The following TENT4A variants were observed in gnomAD, a reference collection of about 807,000 sequenced individuals.
The protein encoded by TENT4A is terminal nucleotidyltransferase 4A.
Under a neutral mutation model 72.8 loss-of-function variants are expected in TENT4A, and 7 were observed. The ratio of observed to expected loss-of-function variants is 0.10; its 90% confidence interval spans 0.05 to 0.18. TENT4A has a LOEUF of 0.18. TENT4A is among the 10% of genes least tolerant of loss of function. TENT4A has a pLI of 1.00. For synonymous variants in TENT4A, 456 were observed against 434.3 expected (o/e 1.05, Z -0.62); for missense variants, 831 against 1,017.7 (o/e 0.82, Z 2.50).
intron 11 of TENT4A, 134 bp downstream of exon 11, chr5:6,751,331 T>C (rs1012335505): frequency 2.3e-6 from 2 of 886,252 alleles, no homozygotes; most frequent in African/African-American, 3.3e-5. Flanking sequence ...ATTGGTGTGT[T>C]GTTCTAGGAA....
rs1742283436 is a variant in TENT4A at position 6,749,553 on chromosome 5, G to A, written c.1587-4G>A. ...TGTTGATCTCCAACAATGTCCCTTTGCAGTACTTTAGGAAGAATCATCAAA... is the reference window on the plus strand; with the variant it reads ...TGTTGATCTCCAACAATGTCCCTTTACAGTACTTTAGGAAGAATCATCAAA... On this transcript the variant is annotated splice_polypyrimidine_tract_variant and splice_region_variant and intron_variant, in intron 8 of 12. Transcript: ENST00000230859. The A allele has an allele frequency of 1.3e-6, 2 of 1,598,204 alleles. No homozygotes were observed. The highest frequency in any genetic ancestry group is 1.7e-6 in the Non-Finnish European group (2 of 1,165,700).
intron 9 of TENT4A, among the ~76,000 whole-genome samples, 199 bp downstream of exon 9, chr5:6,749,856 CAA>C (rs1480847432): frequency 1.3e-5 from 2 of 152,148 alleles, no homozygotes; most frequent in African/African-American, 4.8e-5. Context: ...CATAGAATTT[CAA>C]AGTTTCTAGG....
intron 1 of TENT4A, among the ~76,000 whole-genome samples, chr5:6,725,794 A>G (rs1298891007): frequency 6.6e-6 from 1 of 151,866 alleles, no homozygotes; most frequent in African/African-American, 2.4e-5. Flanking sequence ...AGATGGACAC[A>G]TGGATTGGTC....
At chr5:6,730,472 T>C (rs1462315358) in intron 1 of TENT4A, among the ~76,000 whole-genome samples, 1 of 152,226 alleles carries the variant, frequency 6.6e-6, no homozygotes, top group East Asian at 1.9e-4. Context: ...CAGCTCCTGC[T>C]CCTCCTCCAG....
Position 6,738,749 on chromosome 5 carries a change from G to T in TENT4A, c.887+20G>T. On this transcript the variant is annotated intron_variant, in intron 3 of 12. Coordinates refer to ENST00000230859, the MANE Select transcript of TENT4A (RefSeq NM_006999.6). Reference sequence around the variant, plus strand: ...AACTAGGTGAGTACCAGACTGCATGGCATGGGCTAGTGGGGGGCTGGGATG... The same window carrying T: ...AACTAGGTGAGTACCAGACTGCATGTCATGGGCTAGTGGGGGGCTGGGATG... 1 of 1,586,694 alleles carries T rather than the reference G, an allele frequency of 6.3e-7. No homozygotes were observed. The highest frequency in any genetic ancestry group is 1.1e-5 in the South Asian group (1 of 90,464).
chr5:6,750,271 CG>C, intron 9 of TENT4A, 59 bp from the exon 10 acceptor site: 4 of 1,439,886 alleles, frequency 2.8e-6, no homozygotes, highest in South Asian at 2.7e-5. Context: ...CTGATGCTGC[CG>C]GGGCGGCTCC....
rs142582444 is a variant in TENT4A, at chr5:6,720,781, C to T, written c.716+6082C>T. Among the ~76,000 whole-genome samples, 63 of 152,228 alleles carry T rather than the reference C, an allele frequency of 4.1e-4. 1 individual carries two copies. In the East Asian group the frequency reaches 8.9e-3, roughly 21 times the overall value. Reference sequence around the variant, plus strand: ...TACAGTGATTGAAAAGTCCTGTTCACGAGGTGTCCTGCATTGGCTAGTTTA... The same window carrying T: ...TACAGTGATTGAAAAGTCCTGTTCATGAGGTGTCCTGCATTGGCTAGTTTA... On this transcript the variant is annotated intron_variant, in intron 1 of 12. Coordinates refer to ENST00000230859, the MANE Select transcript of TENT4A (RefSeq NM_006999.6).
chr5:6,718,330 C>G (rs940184840), intron 1 of TENT4A, among the ~76,000 whole-genome samples: 1 of 152,212 alleles, frequency 6.6e-6, no homozygotes, highest in Non-Finnish European at 1.5e-5. Flanking sequence ...CCCTCTCCCT[C>G]TAGCCTGACC....
intron 1 of TENT4A, among the ~76,000 whole-genome samples, chr5:6,734,364 T>A (rs554210595): frequency 2.4e-4 from 37 of 152,346 alleles, no homozygotes; most frequent in Admixed American, 1.7e-3. Context: ...GGCTGGGGGC[T>A]TTTCAGGCCA....
intron 1 of TENT4A, among the ~76,000 whole-genome samples, chr5:6,728,613 C>T (rs950192470): frequency 2.6e-5 from 4 of 152,166 alleles, no homozygotes; most frequent in South Asian, 2.1e-4. Context: ...TTTAGCCATG[C>T]GGGGCTAGGA....
At chr5:6,722,109 G>C (rs1740683174) in intron 1 of TENT4A, among the ~76,000 whole-genome samples, 1 of 152,140 alleles carries the variant, frequency 6.6e-6, no homozygotes, top group Admixed American at 6.5e-5. Context: ...AGCTCCATCA[G>C]CCCATGTCAC....
chr5:6,751,953 G>A (rs577284549), intron 11 of TENT4A, among the ~76,000 whole-genome samples: 1 of 152,336 alleles, frequency 6.6e-6, no homozygotes, highest in African/African-American at 2.4e-5. Context: ...CTTCTGGGAT[G>A]CTGGCTCTGT....
At chr5:6,726,304 TG>T (rs1740916576) in intron 1 of TENT4A, among the ~76,000 whole-genome samples, 1 of 152,106 alleles carries the variant, frequency 6.6e-6, no homozygotes, top group South Asian at 2.1e-4. Flanking sequence ...CGTCTCTGCC[TG>T]GGAAACCACG....
chr5:6,719,661 C>T (rs139764716), intron 1 of TENT4A, among the ~76,000 whole-genome samples: 8 of 152,280 alleles, frequency 5.3e-5, no homozygotes, highest in Non-Finnish European at 1.0e-4. Context: ...TCTCAGTCAG[C>T]GCTGACAGGT....
rs28381427 is a variant in TENT4A at position 6,752,739 on chromosome 5, A to C, written c.2020-134A>C. The C allele has an allele frequency of 6.0e-4, 403 of 675,794 alleles. 3 individuals carry two copies. The highest frequency in any genetic ancestry group is 1.4e-3 in the South Asian group (67 of 48,458). 41.9% of individuals were successfully genotyped at this position (675,794 alleles called of 1,614,324 possible). The stretch of plus-strand genomic sequence containing the variant: ...GCACAATATTGTTAGGTAATAGTAA[A>C]ACAGACTGCTCTATGGAGCCCACAT... On this transcript the variant is annotated intron_variant, in intron 11 of 12. Transcript: ENST00000230859.
chr5:6,751,308 T>G, intron 11 of TENT4A, 111 bp downstream of exon 11: 1 of 1,195,774 alleles, frequency 8.4e-7, no homozygotes, highest in Non-Finnish European at 1.2e-6. Flanking sequence ...AGTAACTTTT[T>G]GAGTATTTGG....
At position 6,731,645 on chromosome 5, in the gene TENT4A, A is replaced by G. The variant is rs557857432; in HGVS notation, c.717-5865A>G. ...GCTTCGAATCCTGGGCTGTCAGCCT[A>G]TCCTCCCACATCAGCCTCCTGACTA... On this transcript the variant is annotated intron_variant, in intron 1 of 12. Coordinates refer to ENST00000230859, the MANE Select transcript of TENT4A (RefSeq NM_006999.6). Among the ~76,000 whole-genome samples the G allele has an allele frequency of 4.6e-5, 7 of 151,468 alleles. No individual in the cohort carries two copies. In the South Asian group the frequency reaches 6.2e-4, roughly 14 times the overall value.
Position 6,714,691 on chromosome 5 carries a change from C to A in TENT4A, c.708C>A (p.Gly236=). Reference sequence around the variant, plus strand: ...GGAAGAGCCGCGCGTACAGCCCGGGCATCCAGGGGTGAGTGCGCGGGGAGG... The same window carrying A: ...GGAAGAGCCGCGCGTACAGCCCGGGAATCCAGGGGTGAGTGCGCGGGGAGG... ...TPWKSRAYSP[G]IQGLHEEIID... Residue 236 remains glycine, a synonymous_variant, in exon 1 of 13, where the codon GGC becomes GGA. Transcript: ENST00000230859. The A allele has an allele frequency of 8.4e-7, 1 of 1,193,220 alleles. No individual in the cohort carries two copies. Among genetic ancestry groups the A allele is most frequent in the Non-Finnish European group, 1.0e-6 (1 of 962,804 alleles). The allele number at this position is 1,193,220 out of a possible 1,614,324, so 73.9% of individuals were successfully genotyped here.
chr5:6,748,836 G>A (rs1481322538), intron 8 of TENT4A, among the ~76,000 whole-genome samples: 1 of 152,112 alleles, frequency 6.6e-6, no homozygotes, highest in Non-Finnish European at 1.5e-5. Context: ...CTTTTGTTTT[G>A]GGGAGGTGAT....
Sources: gnomAD v4.1 joint callset for allele counts (sites outside exome capture counted in the v4.1 genomes callset) on GRCh38, gnomAD v4.1.1 for gene constraint, MANE v1.5 for transcripts, NCBI Gene and HGNC (gene_info 2026-07-23, HGNC 2026-07-21) for gene names.